Variants in MYT1L observed in about 807,000 individuals in gnomAD.
The protein encoded by MYT1L is myelin transcription factor 1-like protein.
Under a neutral mutation model 126.7 loss-of-function variants are expected in MYT1L, and 12 were observed. The observed-to-expected ratio is 0.09, with a 90% confidence interval of 0.06 to 0.15. The LOEUF (loss-of-function observed/expected upper bound fraction) is 0.15, where lower values mean the gene tolerates loss of function less well. Ranked by LOEUF, MYT1L falls within the 10% of genes least tolerant of loss-of-function variation. MYT1L has a pLI of 1.00. For synonymous variants in MYT1L, 541 were observed against 604.2 expected (o/e 0.90, Z 1.53); for missense variants, 979 against 1,585.2 (o/e 0.62, Z 6.49).
At chr2:2,194,217 C>T (rs1459800283) in intron 2 of MYT1L, among the ~76,000 whole-genome samples, 2 of 152,126 alleles carry the variant, frequency 1.3e-5, no homozygotes, top group African/African-American at 4.8e-5. Flanking sequence ...GTAGCTGGGA[C>T]CACAGGCACA....
chr2:2,222,543 G>A (rs1268770173), intron 2 of MYT1L, among the ~76,000 whole-genome samples: 1 of 151,906 alleles, frequency 6.6e-6, no homozygotes, highest in Non-Finnish European at 1.5e-5. Context: ...ATTAAATTGT[G>A]AATGATTTTG....
At chr2:2,265,838 C>G (rs1361272115) in intron 2 of MYT1L, among the ~76,000 whole-genome samples, 2 of 152,110 alleles carry the variant, frequency 1.3e-5, no homozygotes, top group Non-Finnish European at 2.9e-5. Flanking sequence ...AAGGGCAGAG[C>G]CTTGAGGCTG....
At chr2:2,287,486 A>C (rs1559558254) in intron 1 of MYT1L, among the ~76,000 whole-genome samples, 1 of 152,220 alleles carries the variant, frequency 6.6e-6, no homozygotes, top group East Asian at 1.9e-4. Flanking sequence ...ACAGAAAATC[A>C]GCTAGCATGA....
At chr2:2,107,525 T>C (rs901133738) in intron 3 of MYT1L, among the ~76,000 whole-genome samples, 1 of 152,166 alleles carries the variant, frequency 6.6e-6, no homozygotes, top group Admixed American at 6.5e-5. Context: ...TAATCAAGAA[T>C]AGATTCTCAG....
chr2:2,312,620 A>G (rs1559640989), intron 1 of MYT1L, among the ~76,000 whole-genome samples: 1 of 151,956 alleles, frequency 6.6e-6, no homozygotes, highest in African/African-American at 2.4e-5. Context: ...AGAATATAAC[A>G]CTTCTGAGGT....
chr2:1,830,158 A>G (rs72765572), intron 21 of MYT1L, among the ~76,000 whole-genome samples: 35,571 of 152,000 alleles, frequency 0.23, 4,512 homozygotes, highest in East Asian at 0.57. Context: ...CACCAAGATC[A>G]TCACAGGGAT....
At chr2:1,827,774 C>T (rs1347090008) in intron 21 of MYT1L, 1 of 152,208 alleles carries the variant, frequency 6.6e-6, no homozygotes, top group Non-Finnish European at 1.5e-5. Flanking sequence ...CCCCTCCCCT[C>T]CACACAATTG....
chr2:1,991,914 G>C (rs2061484395), intron 5 of MYT1L, among the ~76,000 whole-genome samples: 1 of 152,042 alleles, frequency 6.6e-6, no homozygotes, highest in South Asian at 2.1e-4. Flanking sequence ...GCTCTATCCT[G>C]GTCCTTTCAC....
In MYT1L at chr2:1,807,987, T is replaced by G. The variant is rs111693798; in HGVS notation, c.3172+1089A>C. Among the ~76,000 whole-genome samples the G allele has an allele frequency of 6.6e-4, 101 of 152,240 alleles. 1 individual carries two copies. The highest frequency in any genetic ancestry group is 2.2e-3 in the African/African-American group (91 of 41,532). On this transcript the variant is annotated intron_variant, in intron 22 of 24. Transcript: ENST00000647738. ...TGAGTTCTCATGAGATCTGGAGGTT[T>G]TATTAGGGCTTTTCCCACTTTGCTC...
intron 4 of MYT1L, among the ~76,000 whole-genome samples, chr2:2,044,007 AG>A (rs2067861649): frequency 6.6e-6 from 1 of 152,152 alleles, no homozygotes; most frequent in Non-Finnish European, 1.5e-5. Context: ...GTAAGGAGAG[AG>A]TTCAAAAGGT....
chr2:2,067,745 AGG>A (rs2074050373), intron 3 of MYT1L, among the ~76,000 whole-genome samples: 1 of 152,216 alleles, frequency 6.6e-6, no homozygotes, highest in Non-Finnish European at 1.5e-5. Context: ...AGACATCTTA[AGG>A]AAAGTGGAAG....
Position 1,943,312 on chromosome 2 carries a change from TC to T in MYT1L, c.174del (p.Arg61GlufsTer20). The T allele has an allele frequency of 6.4e-7, 1 of 1,573,340 alleles. No individual in the cohort carries two copies. ...TGTTTATCTTGTGTTTTTCTTTTTTTCGCCAAGGGACAACCATATACACTAA... is the reference window on the plus strand; with the variant it reads ...TGTTTATCTTGTGTTTTTCTTTTTTTGCCAAGGGACAACCATATACACTAA... ...RHRSVYGCPL[A>X]KKRKTQDKQP... On this transcript the variant is annotated frameshift_variant, in exon 9 of 25. Transcript: ENST00000647738. LOFTEE classifies it high-confidence loss of function. The surrounding 1 kb of genome is among the most constrained non-coding windows in gnomAD (Gnocchi z 4.4).
chr2:1,880,518 G>T (rs1420394493), intron 18 of MYT1L, among the ~76,000 whole-genome samples: 2 of 152,062 alleles, frequency 1.3e-5, no homozygotes, highest in African/African-American at 4.8e-5. Flanking sequence ...CTGTAGATGG[G>T]GCAGTCAGGT....
At chr2:2,206,883 GGT>G (rs1353751553) in intron 2 of MYT1L, among the ~76,000 whole-genome samples, 4 of 152,164 alleles carry the variant, frequency 2.6e-5, no homozygotes, top group African/African-American at 9.7e-5. Context: ...CGCCAAGCAC[GGT>G]ACTGAAGGGC....
intron 1 of MYT1L, chr2:2,306,083 T>C (rs1254988734): frequency 6.6e-6 from 1 of 152,228 alleles, no homozygotes; most frequent in African/African-American, 2.4e-5. Context: ...GGCTTCTTTC[T>C]TTGCCATGAA....
chr2:2,254,038 G>C (rs536872792), intron 2 of MYT1L, among the ~76,000 whole-genome samples: 76 of 152,078 alleles, frequency 5.0e-4, no homozygotes, highest in Non-Finnish European at 9.8e-4. Context: ...AAAACCGAAG[G>C]CTCCCTGTGA....
chr2:2,253,066 A>G lies in MYT1L; in HGVS notation c.-421+31338T>C, dbSNP rs911421000. On this transcript the variant is annotated intron_variant, in intron 2 of 24. Coordinates refer to ENST00000647738, the MANE Select transcript of MYT1L (RefSeq NM_001303052.2). ...GTTTTTCTGCAAAATTTTAGAGTCA[A>G]TCAAAGAGAAGAACATATAAAAATA... Among the ~76,000 whole-genome samples the G allele has an allele frequency of 5.3e-5, 8 of 152,128 alleles. No individual in the cohort carries two copies. In the East Asian group the frequency reaches 1.3e-3, roughly 26 times the overall value.
chr2:2,172,251 C>A (rs913495932), intron 3 of MYT1L, among the ~76,000 whole-genome samples: 4 of 152,108 alleles, frequency 2.6e-5, no homozygotes, highest in Non-Finnish European at 5.9e-5. Context: ...GCTTTACTAA[C>A]CAGTTCCTTC....
intron 2 of MYT1L, among the ~76,000 whole-genome samples, chr2:2,251,119 C>A (rs1417588318): frequency 6.6e-6 from 1 of 152,138 alleles, no homozygotes; most frequent in Non-Finnish European, 1.5e-5. Flanking sequence ...TACCTCTCAT[C>A]GTGGAATTAG....
Sources: gnomAD v4.1 joint callset for allele counts (sites outside exome capture counted in the v4.1 genomes callset) on GRCh38, gnomAD v4.1.1 for gene constraint, Gnocchi (gnomAD v3.1) non-coding constraint, MANE v1.5 for transcripts, NCBI Gene and HGNC (gene_info 2026-07-23, HGNC 2026-07-21) for gene names.